Variants in USP47 observed in about 807,000 individuals in gnomAD.
USP47 encodes the protein ubiquitin specific peptidase 47, also known as ubiquitin carboxyl-terminal hydrolase 47.
In USP47, 35 loss-of-function variants were observed where a neutral mutation model predicts 165.1. The observed-to-expected ratio is 0.21, with a 90% CI of 0.16 to 0.28. The LOEUF (loss-of-function observed/expected upper bound fraction) is 0.28, where lower values mean the gene tolerates loss of function less well. Among genes scored for constraint, USP47 ranks in the 10% least tolerant of loss-of-function variants. USP47 has a pLI of 1.00. For synonymous variants in USP47, 531 were observed against 544.5 expected, an observed-to-expected ratio of 0.98 and a Z score of 0.35; for missense variants, 1,277 against 1,607.4, an observed-to-expected ratio of 0.79 and a Z score of 3.52.
chr11:11,898,239 A>G (rs953054076), intron 5 of USP47, among the ~76,000 whole-genome samples: 2 of 152,094 alleles, frequency 1.3e-5, no homozygotes, highest in Non-Finnish European at 2.9e-5. Flanking sequence ...GAAGTCAGAC[A>G]TTTATTTTTA....
intron 25 of USP47, among the ~76,000 whole-genome samples, chr11:11,954,200 A>G (rs989826360): frequency 6.6e-6 from 1 of 152,154 alleles, no homozygotes; most frequent in African/African-American, 2.4e-5. Context: ...CAGTGAACCA[A>G]GATTGCACCA....
intron 1 of USP47, among the ~76,000 whole-genome samples, chr11:11,872,860 A>G (rs1266285641): frequency 6.6e-6 from 1 of 152,344 alleles, no homozygotes; most frequent in South Asian, 2.1e-4. Context: ...AGGGGCTTAA[A>G]TGCCCATTAA....
intron 1 of USP47, among the ~76,000 whole-genome samples, chr11:11,849,789 G>A (rs1270164745): frequency 6.6e-6 from 1 of 152,074 alleles, no homozygotes; most frequent in Admixed American, 6.5e-5. Context: ...TCATTTTGAA[G>A]GGCCACTTTC....
chr11:11,870,831 A>C (rs1042272990), intron 1 of USP47, among the ~76,000 whole-genome samples: 1 of 152,070 alleles, frequency 6.6e-6, no homozygotes, highest in African/African-American at 2.4e-5. Flanking sequence ...TCATTCATTC[A>C]TCTACATCAG....
intron 1 of USP47, among the ~76,000 whole-genome samples, chr11:11,848,756 C>T (rs976177742): frequency 4.0e-5 from 6 of 151,810 alleles, no homozygotes; most frequent in South Asian, 2.1e-4. Flanking sequence ...ACTACAGACG[C>T]GCGCCACCAC....
intron 1 of USP47, among the ~76,000 whole-genome samples, chr11:11,876,501 A>G (rs1268297525): frequency 1.3e-5 from 2 of 152,138 alleles, no homozygotes; most frequent in East Asian, 3.8e-4. Context: ...TAGGGCATTT[A>G]GTTTATTTGT....
intron 1 of USP47, among the ~76,000 whole-genome samples, chr11:11,874,822 G>T (rs909528238): frequency 6.6e-6 from 1 of 152,184 alleles, no homozygotes; most frequent in Non-Finnish European, 1.5e-5. Flanking sequence ...GCCTCCCAAA[G>T]TGCTGGGTTT....
At chr11:11,872,105 C>T (rs991532552) in intron 1 of USP47, among the ~76,000 whole-genome samples, 3 of 152,140 alleles carry the variant, frequency 2.0e-5, no homozygotes, top group Admixed American at 6.6e-5. Flanking sequence ...TGTTTCTGCT[C>T]TGCTAGGCAT....
intron 2 of USP47, among the ~76,000 whole-genome samples, chr11:11,884,069 T>G (rs1299032011): frequency 6.6e-6 from 1 of 152,236 alleles, no homozygotes; most frequent in Admixed American, 6.5e-5. Flanking sequence ...CAAAACATTT[T>G]GGTTTTTAGT....
rs368668651 is a variant in USP47, at chr11:11,865,289, A to G, written c.40-14888A>G. ...TTCTTCCCAGTTCTGAATGACATGA[A>G]TGTTGGATCTTTTGTTATAGTCCTA... On this transcript the variant is annotated intron_variant, in intron 1 of 27. Coordinates refer to ENST00000527733, the MANE Select transcript of USP47 (RefSeq NM_001282659.2). Among the ~76,000 whole-genome samples, 86 of 152,202 alleles carry G rather than the reference A, an allele frequency of 5.7e-4. 1 individual carries two copies. In the South Asian group the frequency reaches 0.018, roughly 31 times the overall value.
chr11:11,936,405 A>T lies in USP47; in HGVS notation c.1972A>T (p.Thr658Ser). The T allele has an allele frequency of 6.2e-7, 1 of 1,610,734 alleles. No homozygotes were observed. Residue 658 changes from threonine to serine, a missense_variant, in exon 17 of 28, where the codon ACA becomes TCA. Coordinates refer to ENST00000527733, the MANE Select transcript of USP47 (RefSeq NM_001282659.2). ...ACGGTCATATGAAGGAGAAGAAGAT[A>T]CACCAATGGGGCTTCTACTAGGTGG... is the stretch of plus-strand genomic sequence containing the variant. ...LERSYEGEED[T>S]PMGLLLGGVK...
At chr11:11,853,244 T>C (rs1257283787) in intron 1 of USP47, among the ~76,000 whole-genome samples, 2 of 152,184 alleles carry the variant, frequency 1.3e-5, no homozygotes, top group African/African-American at 4.8e-5. Context: ...AAATACCTAT[T>C]GTAAATTAAA....
intron 3 of USP47, among the ~76,000 whole-genome samples, chr11:11,890,976 CAG>C (rs772995690): frequency 2.6e-5 from 4 of 151,998 alleles, no homozygotes; most frequent in African/African-American, 7.3e-5. Context: ...CACGTGGACA[CAG>C]GGAGGGAACA....
chr11:11,864,969 G>A (rs921569951), intron 1 of USP47, among the ~76,000 whole-genome samples: 2 of 151,976 alleles, frequency 1.3e-5, no homozygotes, highest in Non-Finnish European at 2.9e-5. Context: ...GAAGTGTTGT[G>A]CCACTTCCTT....
chr11:11,885,296 A>G (rs1176055158), intron 3 of USP47, among the ~76,000 whole-genome samples: 1 of 152,118 alleles, frequency 6.6e-6, no homozygotes, highest in Admixed American at 6.5e-5. Context: ...GAGGAGTGAA[A>G]GGGGAGAGTG....
rs753263491 is a variant in USP47, at chr11:11,933,129, C to T, written c.1764+13C>T. On this transcript the variant is annotated intron_variant, in intron 15 of 27. Coordinates refer to ENST00000527733, the MANE Select transcript of USP47 (RefSeq NM_001282659.2). ...CAATACATGCAAGGTTGAATTCCAT[C>T]ATTTTATTTTTAATTGAAAGTGCTA... The T allele has an allele frequency of 3.1e-6, 5 of 1,603,282 alleles. No homozygotes were observed. The highest frequency in any genetic ancestry group is 2.7e-5 in the African/African-American group (2 of 74,586).
rs1433005933 is a variant in USP47, at chr11:11,943,657, AAG to A, written c.3091+548_3091+549del. On this transcript the variant is annotated intron_variant, in intron 20 of 27. Coordinates refer to ENST00000527733, the MANE Select transcript of USP47 (RefSeq NM_001282659.2). ...AGAAATTCCAATGCATAATCTCAGA[AAG>A]AGGGAAAAGATCTGAGAGTTTGGGC... 2.0e-5 allele frequency: 3 copies of A among 152,248 alleles called. No individual in the cohort carries two copies. In the East Asian group the frequency reaches 5.8e-4, roughly 29 times the overall value. The allele number at this position is 152,248 out of a possible 1,614,324, so 9.4% of individuals were successfully genotyped here. A position where few individuals can be genotyped will look rare whatever the true frequency, so the allele number is the denominator to read the frequency against.
intron 19 of USP47, among the ~76,000 whole-genome samples, chr11:11,941,535 A>G (rs1855472131): frequency 6.6e-6 from 1 of 152,040 alleles, no homozygotes; most frequent in Non-Finnish European, 1.5e-5. Flanking sequence ...AAGTAGAGAA[A>G]ATAGGGAAAA....
chr11:11,948,339 G>A, intron 21 of USP47, 139 bp from the exon 22 acceptor site: 1 of 840,950 alleles, frequency 1.2e-6, no homozygotes, highest in Non-Finnish European at 1.8e-6. Context: ...TCTAGGTGCT[G>A]GGGATTCAGA....
Sources: gnomAD v4.1 joint callset for allele counts (sites outside exome capture counted in the v4.1 genomes callset) on GRCh38, gnomAD v4.1.1 for gene constraint, MANE v1.5 for transcripts, NCBI Gene and HGNC (gene_info 2026-07-23, HGNC 2026-07-21) for gene names.